Variants in EEF1E1 observed in about 807,000 individuals in gnomAD.
The protein encoded by EEF1E1 is eukaryotic translation elongation factor 1 epsilon-1.
EEF1E1 carries 19 observed loss-of-function variants against 19.9 expected under a neutral mutation model. The observed-to-expected ratio is 0.95, with a 90% CI of 0.66 to 1.40. The LOEUF is 1.40. Among genes scored for constraint, EEF1E1 ranks in the 40% most tolerant of loss-of-function variants. The pLI is 0.00. For missense variants in EEF1E1, 198 were observed against 202.2 expected, an observed-to-expected ratio of 0.98 and a Z score of 0.13; for synonymous variants, 81 against 80.0, an observed-to-expected ratio of 1.01 and a Z score of -0.07.
At position 8,079,910 on chromosome 6, in the gene EEF1E1, G is replaced by A; in HGVS notation, c.505C>T (p.Leu169=). ...AGCTTCTAGTGGGAATTAGTATATA[G>A]TCTGTTCTTGATGAAGACAACACTA... ...LSSVVFIKNR[L]YTNSH Residue 169 remains leucine (L), a synonymous_variant, in exon 4 of 4, where the codon CTA becomes TTA. Transcript: ENST00000379715. 6.2e-7 allele frequency: 1 copy of A among 1,612,440 alleles called. No individual in the cohort carries two copies. The highest frequency in any genetic ancestry group is 1.3e-5 in the African/African-American group (1 of 75,006).
chr6:8,077,134 G>A (rs1171492046), downstream of EEF1E1, among the ~76,000 whole-genome samples: 5 of 152,064 alleles, frequency 3.3e-5, no homozygotes. Context: ...TAGTAGAGAT[G>A]GGGTTTCACC....
chr6:8,078,705 C>T (rs531200715), downstream of EEF1E1: 1 of 1,286,428 alleles, frequency 7.8e-7, no homozygotes, highest in South Asian at 1.2e-5. Context: ...CTGTTACAAT[C>T]CTCATTTTCT....
chr6:8,089,053 G>C (rs1757945226), intron 3 of EEF1E1, among the ~76,000 whole-genome samples: 1 of 152,172 alleles, frequency 6.6e-6, no homozygotes. Context: ...GTAGAGCTCA[G>C]CTTGGATCTT....
At chr6:8,073,895 C>G (rs1757534730) in intron 3 of EEF1E1, among the ~76,000 whole-genome samples, 1 of 152,170 alleles carries the variant, frequency 6.6e-6, no homozygotes, top group Non-Finnish European at 1.5e-5. Context: ...ATGCAGTATC[C>G]CTTTTCCTTC....
intron 3 of EEF1E1, among the ~76,000 whole-genome samples, chr6:8,088,318 A>G (rs539273696): frequency 1.3e-5 from 2 of 152,300 alleles, no homozygotes; most frequent in East Asian, 3.9e-4. Context: ...CAGAGAGGAG[A>G]TTCAGGTAAG....
chr6:8,082,656 T>G (rs920238751), intron 3 of EEF1E1, among the ~76,000 whole-genome samples: 18 of 152,252 alleles, frequency 1.2e-4, no homozygotes, highest in Non-Finnish European at 8.8e-5. Flanking sequence ...TGTACATTTA[T>G]TCATTTTTCC....
intron 3 of EEF1E1, among the ~76,000 whole-genome samples, chr6:8,088,438 T>C (rs779463820): frequency 1.1e-4 from 16 of 152,254 alleles, no homozygotes; most frequent in East Asian, 3.9e-4. Context: ...TGGGAGGTAA[T>C]TGAATCATGG....
intron 1 of EEF1E1, among the ~76,000 whole-genome samples, chr6:8,098,571 A>G (rs1318730386): frequency 6.6e-6 from 1 of 152,200 alleles, no homozygotes; most frequent in Non-Finnish European, 1.5e-5. Flanking sequence ...AGGAGGTAAA[A>G]TTCTTTTCAC....
downstream of EEF1E1, among the ~76,000 whole-genome samples, chr6:8,079,022 G>A (rs902682638): frequency 6.6e-6 from 1 of 152,114 alleles, no homozygotes; most frequent in African/African-American, 2.4e-5. Context: ...TTAGCTCTAT[G>A]ATAACTATTA....
chr6:8,101,243 AATATATATATATATATATATAT>A (rs1216617377), intron 1 of EEF1E1, among the ~76,000 whole-genome samples: 2 of 58,478 alleles, frequency 3.4e-5, no homozygotes, highest in East Asian at 5.3e-4. Flanking sequence ...AAAAAAAAAA[AATATATATATATATATATATAT>A]ATATATATAT....
downstream of EEF1E1, among the ~76,000 whole-genome samples, chr6:8,077,363 G>A (rs2113631822): frequency 6.6e-6 from 1 of 152,292 alleles, no homozygotes; most frequent in East Asian, 1.9e-4. Context: ...TTGGTCCTTT[G>A]AAGCTCTGAA....
chr6:8,102,070 T>G (rs1222704925), intron 1 of EEF1E1: 1 of 1,175,334 alleles, frequency 8.5e-7, no homozygotes, highest in East Asian at 6.2e-5. Flanking sequence ...AATAACTGAA[T>G]GAAAGGTGCG....
intron 3 of EEF1E1, 118 bp downstream of exon 3, chr6:8,090,068 T>A (rs1473972368): frequency 1.3e-6 from 1 of 774,512 alleles, no homozygotes; most frequent in African/African-American, 1.8e-5. Flanking sequence ...TATAAAGGAA[T>A]TCCTTTCATT....
At chr6:8,096,309 T>A (rs971923758) in intron 2 of EEF1E1, among the ~76,000 whole-genome samples, 2 of 152,216 alleles carry the variant, frequency 1.3e-5, no homozygotes, top group African/African-American at 2.4e-5. Context: ...AGGGAGGATA[T>A]GACTGCTTCC....
At position 8,079,412 on chromosome 6, in the gene EEF1E1, T is replaced by G. The variant is rs1277151010; in HGVS notation, c.*478A>C. 2.0e-6 allele frequency: 2 copies of G among 988,496 alleles called. No homozygotes were observed. Among genetic ancestry groups the G allele is most frequent in the Non-Finnish European group, 2.4e-6 (2 of 831,464 alleles). The allele number at this position is 988,496 out of a possible 1,614,324, so 61.2% of individuals were successfully genotyped here. ...CGAAAAAATATTTTTTCAACCACAT[T>G]TACTAGCTCACATAAATATTTTAAA... is the stretch of plus-strand genomic sequence containing the variant. On this transcript the variant is annotated 3_prime_UTR_variant, in exon 4 of 4. Transcript: ENST00000379715.
intron 3 of EEF1E1, among the ~76,000 whole-genome samples, chr6:8,081,349 G>C (rs1320276891): frequency 6.6e-6 from 1 of 152,204 alleles, no homozygotes; most frequent in Admixed American, 6.5e-5. Context: ...CCATGGCACA[G>C]AGATAAATAA....
intron 2 of EEF1E1, among the ~76,000 whole-genome samples, chr6:8,093,320 C>T (rs12526952): frequency 0.13 from 16,697 of 125,498 alleles, 1,153 homozygotes; most frequent in South Asian, 0.24. Flanking sequence ...CTGACATTCG[C>T]TTCCTTTTTT....
rs1373796760 is a variant in EEF1E1, at chr6:8,079,991, C to A, written c.424G>T (p.Val142Leu). The A allele has an allele frequency of 1.2e-6, 2 of 1,613,636 alleles. No homozygotes were observed. The highest frequency in any genetic ancestry group is 2.2e-5 in the South Asian group (2 of 91,072). The change falls in exon 4 of 4, where the codon GTG (valine) becomes TTG (leucine). Residue 142 changes from valine to leucine, a missense_variant. By Grantham distance (32) the Val-to-Leu change is conservative. Coordinates refer to ENST00000379715, the MANE Select transcript of EEF1E1 (RefSeq NM_004280.5). ...TVQEKEKYLN[V>L]SRWFCHIQHY... is the part of the protein sequence containing the mutation. ...TGAATGTGACAAAACCAGCGAGACA[C>A]ATTAAGATATTTCTCCTTTTCTTGA... is the stretch of plus-strand genomic sequence containing the variant.
At chr6:8,101,243 A>AAATAT (rs1271033598) in intron 1 of EEF1E1, among the ~76,000 whole-genome samples, 2 of 58,480 alleles carry the variant, frequency 3.4e-5, no homozygotes, top group East Asian at 5.3e-4. Flanking sequence ...AAAAAAAAAA[A>AAATAT]ATATATATAT....
Sources: gnomAD v4.1 joint callset for allele counts (sites outside exome capture counted in the v4.1 genomes callset) on GRCh38, gnomAD v4.1.1 for gene constraint, MANE v1.5 for transcripts, NCBI Gene and HGNC (gene_info 2026-07-23, HGNC 2026-07-21) for gene names.